ACE: variants seen among roughly 807,000 people sequenced by gnomAD.
ACE encodes angiotensin-converting enzyme.
ACE carries 122 observed loss-of-function variants against 162.3 expected under a neutral mutation model. The observed-to-expected ratio is 0.75, with a 90% confidence interval of 0.65 to 0.87. The LOEUF (loss-of-function observed/expected upper bound fraction) is 0.87, where lower values mean the gene tolerates loss of function less well. Ranked by LOEUF, ACE falls within the 40% of genes least tolerant of loss-of-function variation. The probability of loss-of-function intolerance (pLI) is 0.00; values close to 1 mark genes in which losing one functional copy is unlikely to be tolerated. For missense variants in ACE, 1,799 were observed against 1,735.1 expected, an observed-to-expected ratio of 1.04 and a Z score of -0.65; for synonymous variants, 796 against 720.6, an observed-to-expected ratio of 1.10 and a Z score of -1.68.
At chr17:63,485,180 C>G in intron 12 of ACE, 56 bp from the exon 13 acceptor site, 1 of 1,612,642 alleles carries the variant, frequency 6.2e-7, no homozygotes, top group Non-Finnish European at 8.5e-7. Context: ...GGTGAGACCA[C>G]AAACCTGGAG....
rs1368390064 is a variant in ACE, at chr17:63,484,322, C to T, written c.1710-8C>T. On this transcript the variant is annotated splice_region_variant and splice_polypyrimidine_tract_variant and intron_variant, in intron 11 of 24. Coordinates refer to ENST00000290866, the MANE Select transcript of ACE (RefSeq NM_000789.4). This position sits in a 1 kb window ranked among gnomAD's most constrained non-coding sequence, Gnocchi z 4.0. ...CCCTGTGCCCATGGTACCCACTCTG[C>T]CCACCAGGAAGGTGCTGCAGGCTGG... The T allele has an allele frequency of 6.2e-7, 1 of 1,608,586 alleles. No individual in the cohort carries two copies. Among genetic ancestry groups the T allele is most frequent in the Admixed American group, 1.7e-5 (1 of 59,776 alleles).
rs753783787 is a variant in ACE at position 63,477,322 on chromosome 17, C to G, written c.228C>G (p.Thr76=). 2 of 1,377,894 alleles carry G rather than the reference C, an allele frequency of 1.5e-6. No individual in the cohort carries two copies. The highest frequency in any genetic ancestry group is 1.6e-5 in the South Asian group (1 of 61,524). The allele number at this position is 1,377,894 out of a possible 1,614,324, so 85.4% of individuals were successfully genotyped here. A position where few individuals can be genotyped will look rare whatever the true frequency, so the allele number is the denominator to read the frequency against. The change falls in exon 1 of 25, where the codon ACC becomes ACG. Residue 76 remains threonine, a synonymous_variant. Coordinates refer to ENST00000290866, the MANE Select transcript of ACE (RefSeq NM_000789.4). The part of the protein sequence containing the change: ...AASWAHDTNI[T]AENARRQEEA... ...GCTGGGCGCACGACACCAACATCAC[C>G]GCGGAGAATGCAAGGCGCCAGGTGG...
intron 3 of ACE, among the ~76,000 whole-genome samples, 190 bp from the exon 4 acceptor site, chr17:63,479,579 G>A (rs2049673382): frequency 6.6e-6 from 1 of 152,180 alleles, no homozygotes; most frequent in Non-Finnish European, 1.5e-5. Flanking sequence ...CTGGGGCAGG[G>A]GCCCTGCCTG....
In ACE at chr17:63,497,303, C is replaced by A. The variant is rs1220775181; in HGVS notation, c.3858C>A (p.Arg1286=). 6.5e-7 allele frequency: 1 copy of A among 1,550,304 alleles called. No homozygotes were observed. Among genetic ancestry groups the A allele is most frequent in the Non-Finnish European group, 8.7e-7 (1 of 1,148,266 alleles). ...AGCGGCTCTTCAGCATCCGCCACCG[C>A]AGCCTCCACCGGCACTCCCACGGGC... is the stretch of plus-strand genomic sequence containing the variant. ...LSQRLFSIRH[R]SLHRHSHGPQ... The change falls in exon 25 of 25, where the codon CGC becomes CGA. Residue 1286 remains arginine, a synonymous_variant. Transcript: ENST00000290866.
At chr17:63,487,128 C>T in intron 15 of ACE, 55 bp downstream of exon 15, 12 of 1,493,190 alleles carry the variant, frequency 8.0e-6, no homozygotes, top group Admixed American at 1.7e-5. Flanking sequence ...TGGCATGGGG[C>T]CCGGGGGTGC....
At chr17:63,479,204 T>A in intron 3 of ACE, 104 bp downstream of exon 3, 1 of 986,734 alleles carries the variant, frequency 1.0e-6, no homozygotes, top group Non-Finnish European at 1.6e-6. Flanking sequence ...AGACAGCAGG[T>A]AAACCCAAAG....
Position 63,478,090 on chromosome 17 carries a change from C to G in ACE, c.409C>G (p.Arg137Gly), listed in dbSNP as rs764488884. 8 of 1,584,216 alleles carry G rather than the reference C, an allele frequency of 5.0e-6. No individual in the cohort carries two copies. In the African/African-American group the frequency reaches 1.1e-4, roughly 21 times the overall value. ...LGSANLPLAK[R>G]QQYNALLSNM... ...CTCTGCCAACCTGCCCCTGGCTAAG[C>G]GGCAGCAGGTGGGCTGAGGGCTGAG... Residue 137 changes from arginine to glycine, a missense_variant, in exon 2 of 25, where the codon CGG becomes GGG. Physicochemically the swap from Arg to Gly is moderately radical, Grantham distance 125 (BLOSUM62 -2). Coordinates refer to ENST00000290866, the MANE Select transcript of ACE (RefSeq NM_000789.4).
chr17:63,491,631 C>G lies in ACE; in HGVS notation c.2912+250C>G, dbSNP rs532365871. Among the ~76,000 whole-genome samples the G allele has an allele frequency of 6.6e-6, 1 of 152,308 alleles. No individual in the cohort carries two copies. Among genetic ancestry groups the G allele is most frequent in the South Asian group, 2.1e-4 (1 of 4,832 alleles). Reference sequence around the variant, plus strand: ...GCTGGGAAGTGCTCAAGGTCCCAGTCCTGGGTTTGAGCATGGTAGGCTGCC... The same window carrying G: ...GCTGGGAAGTGCTCAAGGTCCCAGTGCTGGGTTTGAGCATGGTAGGCTGCC... On this transcript the variant is annotated intron_variant, in intron 19 of 24. Coordinates refer to ENST00000290866, the MANE Select transcript of ACE (RefSeq NM_000789.4). This position sits in a 1 kb window ranked among gnomAD's most constrained non-coding sequence, Gnocchi z 4.4.
At chr17:63,483,437 A>G (rs2049746964) in intron 9 of ACE, 23 bp from the exon 10 acceptor site, 1 of 1,602,174 alleles carries the variant, frequency 6.2e-7, no homozygotes, top group African/African-American at 1.3e-5. Flanking sequence ...AGGCCCTAAG[A>G]CAATTTAACC....
In ACE at chr17:63,484,513, G is replaced by A. The variant is rs770935701; in HGVS notation, c.1893G>A (p.Pro631=). The change falls in exon 12 of 25, where the codon CCG becomes CCA. Residue 631 remains proline (P), a synonymous_variant. Coordinates refer to ENST00000290866, the MANE Select transcript of ACE (RefSeq NM_000789.4). The surrounding 1 kb of genome is among the most constrained non-coding windows in gnomAD (Gnocchi z 4.0). The part of the protein sequence containing the change: ...LGWPEYQWHP[P]LPDNYPEGID... ...GGCCCGAGTACCAGTGGCACCCGCC[G>A]TTGCCTGACAACTACCCGGAGGGCA... 4.3e-6 allele frequency: 7 copies of A among 1,611,770 alleles called. No individual in the cohort carries two copies. The highest frequency in any genetic ancestry group is 1.3e-5 in the African/African-American group (1 of 75,030).
intron 7 of ACE, 110 bp downstream of exon 7, chr17:63,481,848 C>A (rs1043416002): frequency 2.1e-6 from 3 of 1,422,968 alleles, no homozygotes; most frequent in East Asian, 2.3e-5. Context: ...TCTACCCTAC[C>A]CCAGCACTGG....
In ACE at chr17:63,497,429, G is replaced by A. The variant is rs955119984; in HGVS notation, c.*63G>A. The A allele has an allele frequency of 4.9e-5, 70 of 1,438,798 alleles. No homozygotes were observed. Among genetic ancestry groups the A allele is most frequent in the East Asian group, 2.7e-4 (11 of 40,368 alleles). 89.1% of individuals were successfully genotyped at this position (1,438,798 alleles called of 1,614,324 possible). ...CACCAGAGACTGGGATGGGAACACT[G>A]GTGGGCAGCTGAGGACACACCCCAC... is the stretch of plus-strand genomic sequence containing the variant. On this transcript the variant is annotated 3_prime_UTR_variant, in exon 25 of 25. Coordinates refer to ENST00000290866, the MANE Select transcript of ACE (RefSeq NM_000789.4).
intron 21 of ACE, 65 bp from the exon 22 acceptor site, chr17:63,494,306 CA>C: frequency 6.6e-7 from 1 of 1,513,550 alleles, no homozygotes; most frequent in Non-Finnish European, 9.1e-7. Flanking sequence ...TCCCTCAAGT[CA>C]AAAATGCCAC....
intron 12 of ACE, chr17:63,485,034 C>T (rs749684750): frequency 5.0e-6 from 8 of 1,610,478 alleles, no homozygotes; most frequent in Middle Eastern, 3.3e-4. Flanking sequence ...ACCCACCAGG[C>T]GACGGCCCAC....
chr17:63,478,088 A>C lies in ACE; in HGVS notation c.407A>C (p.Lys136Thr), dbSNP rs760310248. 14 of 1,585,044 alleles carry C rather than the reference A, an allele frequency of 8.8e-6. No homozygotes were observed. The South Asian group carries it at 1.6e-4, about 18-fold the overall frequency. The stretch of plus-strand genomic sequence containing the variant: ...GGCTCTGCCAACCTGCCCCTGGCTA[A>C]GCGGCAGCAGGTGGGCTGAGGGCTG... ...TLGSANLPLA[K>T]RQQYNALLSN... Residue 136 changes from lysine to threonine, a missense_variant, in exon 2 of 25, where the codon AAG becomes ACG. Coordinates refer to ENST00000290866, the MANE Select transcript of ACE (RefSeq NM_000789.4).
rs1468555557 is a variant in ACE, at chr17:63,493,492, T to G, written c.2969T>G (p.Met990Arg). The change falls in exon 20 of 25, where the codon ATG becomes AGG. Residue 990 changes from methionine (M) to arginine (R), a missense_variant. Coordinates refer to ENST00000290866, the MANE Select transcript of ACE (RefSeq NM_000789.4). ...LEDLVVAHHEMGHIQYFMQYK... is the reference protein window; with the variant it reads ...LEDLVVAHHERGHIQYFMQYK... ...GACCTGGTGGTGGCCCACCACGAAA[T>G]GGGCCACATCCAGTATTTCATGCAG... 1.2e-6 allele frequency: 2 copies of G among 1,612,842 alleles called. No homozygotes were observed. Among genetic ancestry groups the G allele is most frequent in the East Asian group, 4.5e-5 (2 of 44,714 alleles).
In ACE at chr17:63,484,202, AG is replaced by A; in HGVS notation, c.1710-125del. ...CACCATCAGAGAGATCCCAGGCCCC[AG>A]GGTCTTATTGCCACAGTTTCTGCAG... On this transcript the variant is annotated intron_variant, in intron 11 of 24. Coordinates refer to ENST00000290866, the MANE Select transcript of ACE (RefSeq NM_000789.4). The surrounding 1 kb of genome is among the most constrained non-coding windows in gnomAD (Gnocchi z 4.0). 1 of 1,285,484 alleles carries A rather than the reference AG, an allele frequency of 7.8e-7. No individual in the cohort carries two copies. The highest frequency in any genetic ancestry group is 1.1e-6 in the Non-Finnish European group (1 of 922,640). The allele number at this position is 1,285,484 out of a possible 1,614,324, so 79.6% of individuals were successfully genotyped here. A position where few individuals can be genotyped will look rare whatever the true frequency, so the allele number is the denominator to read the frequency against.
rs1227093005 is a variant in ACE, at chr17:63,496,512, C to G, written c.3499C>G (p.Leu1167Val). 15 of 1,613,986 alleles carry G rather than the reference C, an allele frequency of 9.3e-6. No homozygotes were observed. The highest frequency in any genetic ancestry group is 1.2e-5 in the Non-Finnish European group (14 of 1,180,054). The change falls in exon 23 of 25, where the codon CTG becomes GTG. Residue 1167 changes from leucine (L) to valine (V), a missense_variant. Physicochemically the swap from Leu to Val is conservative, Grantham distance 32. Coordinates refer to ENST00000290866, the MANE Select transcript of ACE (RefSeq NM_000789.4). ...IYQSKEAGQR[L>V]ATAMKLGFSR... is the part of the protein sequence containing the mutation. ...CCAGTCCAAGGAGGCCGGGCAGCGC[C>G]TGGCGTGAGTGTCCTCCAGCCCTCC... is the stretch of plus-strand genomic sequence containing the variant.
At position 63,491,600 on chromosome 17, in the gene ACE, C is replaced by T. The variant is rs1385273846; in HGVS notation, c.2912+219C>T. 6.6e-6 allele frequency among the ~76,000 whole-genome samples: 1 copy of T among 152,218 alleles called. No homozygotes were observed. Among genetic ancestry groups the T allele is most frequent in the African/African-American group, 2.4e-5 (1 of 41,464 alleles). On this transcript the variant is annotated intron_variant, in intron 19 of 24. Coordinates refer to ENST00000290866, the MANE Select transcript of ACE (RefSeq NM_000789.4). The surrounding 1 kb of genome is among the most constrained non-coding windows in gnomAD (Gnocchi z 4.4). ...TGAAGCACGCAACAGCTCTGTCAGCCTGGCCGCTGGGAAGTGCTCAAGGTC... is the reference window on the plus strand; with the variant it reads ...TGAAGCACGCAACAGCTCTGTCAGCTTGGCCGCTGGGAAGTGCTCAAGGTC...
Sources: gnomAD v4.1 joint callset for allele counts (sites outside exome capture counted in the v4.1 genomes callset) on GRCh38, gnomAD v4.1.1 for gene constraint, Gnocchi (gnomAD v3.1) non-coding constraint, MANE v1.5 for transcripts, NCBI Gene and HGNC (gene_info 2026-07-23, HGNC 2026-07-21) for gene names.